The following EBF1 variants were observed in gnomAD, a reference collection of about 807,000 sequenced individuals.
EBF1 encodes the protein transcription factor COE1.
EBF1 carries 10 observed loss-of-function variants against 68.4 expected under a neutral mutation model. That is an observed-to-expected ratio of 0.15 (90% CI 0.09 to 0.25). EBF1 has a LOEUF of 0.25. EBF1 is among the 10% of genes least tolerant of loss of function. The pLI, the probability that EBF1 is intolerant of heterozygous loss-of-function variation, is 1.00. For synonymous variants in EBF1, 298 were observed against 299.8 expected (o/e 0.99, Z 0.06); for missense variants, 509 against 794.4 (o/e 0.64, Z 4.32).
intron 6 of EBF1, among the ~76,000 whole-genome samples, chr5:159,009,945 C>A (rs1764297762): frequency 6.6e-6 from 1 of 152,128 alleles, no homozygotes; most frequent in Non-Finnish European, 1.5e-5. Context: ...ACTCCCTTTG[C>A]AATTATGTAT....
intron 6 of EBF1, among the ~76,000 whole-genome samples, chr5:158,900,754 G>A (rs1803140887): frequency 6.6e-6 from 1 of 152,212 alleles, no homozygotes; most frequent in South Asian, 2.1e-4. Flanking sequence ...TACTTTACAA[G>A]CCTCAGTTAA....
At chr5:158,802,571 G>T (rs1780802448) in intron 8 of EBF1, among the ~76,000 whole-genome samples, 1 of 152,102 alleles carries the variant, frequency 6.6e-6, no homozygotes, top group South Asian at 2.1e-4. Flanking sequence ...GAAAATACTG[G>T]CACTAGCCTT....
intron 6 of EBF1, among the ~76,000 whole-genome samples, chr5:159,020,292 T>G (rs1467949958): frequency 6.6e-6 from 1 of 152,116 alleles, no homozygotes; most frequent in African/African-American, 2.4e-5. Flanking sequence ...TTTATTCCAG[T>G]GGAAAGGCAC....
At chr5:158,964,475 G>C (rs1017912230) in intron 6 of EBF1, among the ~76,000 whole-genome samples, 1 of 152,064 alleles carries the variant, frequency 6.6e-6, no homozygotes, top group South Asian at 2.1e-4. Flanking sequence ...GAGAGATAAT[G>C]GTGAATTCAA....
chr5:159,096,264 C>T (rs1782587104), intron 3 of EBF1, 79 bp downstream of exon 3: 2 of 1,427,028 alleles, frequency 1.4e-6, no homozygotes, highest in Non-Finnish European at 1.9e-6. Flanking sequence ...TGGAGGATTT[C>T]GTCCACCTGG....
chr5:159,021,318 G>GA (rs928685432), intron 6 of EBF1, among the ~76,000 whole-genome samples: 3 of 151,952 alleles, frequency 2.0e-5, no homozygotes, highest in South Asian at 2.1e-4. Context: ...CTCATAGGAG[G>GA]AAAAAAAATA....
At chr5:158,714,649 TTTTG>T (rs1760235238) in intron 11 of EBF1, among the ~76,000 whole-genome samples, 2 of 152,318 alleles carry the variant, frequency 1.3e-5, no homozygotes, top group Non-Finnish European at 1.5e-5. Context: ...ATTAAACTTC[TTTTG>T]TTTATCTCTC....
At chr5:158,980,116 G>A (rs1056734725) in intron 6 of EBF1, among the ~76,000 whole-genome samples, 2 of 152,158 alleles carry the variant, frequency 1.3e-5, no homozygotes, top group African/African-American at 4.8e-5. Flanking sequence ...ATAATAACAG[G>A]AGGAAGAAAA....
At chr5:159,004,323 T>A (rs1194987360) in intron 6 of EBF1, among the ~76,000 whole-genome samples, 1 of 150,414 alleles carries the variant, frequency 6.6e-6, no homozygotes, top group African/African-American at 2.4e-5. Flanking sequence ...AAATTTGAGG[T>A]CTCATTTCCT....
chr5:159,002,994 T>G (rs560960449), intron 6 of EBF1, among the ~76,000 whole-genome samples: 3 of 152,228 alleles, frequency 2.0e-5, no homozygotes, highest in East Asian at 1.9e-4. Flanking sequence ...GATCACTCTT[T>G]ACTCATGATG....
intron 6 of EBF1, among the ~76,000 whole-genome samples, chr5:159,012,347 C>T (rs1764838711): frequency 6.6e-6 from 1 of 151,936 alleles, no homozygotes; most frequent in Non-Finnish European, 1.5e-5. Flanking sequence ...ATTTGAAGAA[C>T]ATTTGGCTTC....
At chr5:158,854,680 T>C (rs1793628637) in intron 6 of EBF1, among the ~76,000 whole-genome samples, 4 of 152,354 alleles carry the variant, frequency 2.6e-5, no homozygotes, top group South Asian at 2.1e-4. Context: ...GCCTTCCTCC[T>C]TGCTTCTAAA....
At chr5:159,006,910 C>A (rs996747956) in intron 6 of EBF1, among the ~76,000 whole-genome samples, 6 of 152,264 alleles carry the variant, frequency 3.9e-5, no homozygotes, top group African/African-American at 1.2e-4. Flanking sequence ...TTGAAGAATT[C>A]TATTTTTAAA....
chr5:158,915,418 CAT>C (rs1342724362), intron 6 of EBF1, among the ~76,000 whole-genome samples: 2 of 152,168 alleles, frequency 1.3e-5, no homozygotes, highest in Non-Finnish European at 2.9e-5. Context: ...AATGCAAAAA[CAT>C]GTGGAAAGAA....
At chr5:159,014,193 T>C (rs554060185) in intron 6 of EBF1, among the ~76,000 whole-genome samples, 1 of 152,264 alleles carries the variant, frequency 6.6e-6, no homozygotes, top group South Asian at 2.1e-4. Context: ...CACCTCAGCC[T>C]GACAGAAAAA....
intron 6 of EBF1, among the ~76,000 whole-genome samples, chr5:158,853,892 G>C (rs1384417318): frequency 1.3e-5 from 2 of 152,146 alleles, no homozygotes; most frequent in African/African-American, 4.8e-5. Context: ...AGCCCAGGAA[G>C]GTCAATCAAT....
intron 6 of EBF1, among the ~76,000 whole-genome samples, chr5:158,921,681 T>G (rs1374041998): frequency 6.6e-6 from 1 of 152,302 alleles, no homozygotes; most frequent in East Asian, 1.9e-4. Flanking sequence ...AGCCGGAGCT[T>G]GTAGAGATGT....
intron 10 of EBF1, among the ~76,000 whole-genome samples, chr5:158,740,826 A>T (rs1766179059): frequency 6.6e-6 from 1 of 152,182 alleles, no homozygotes; most frequent in Non-Finnish European, 1.5e-5. Context: ...ATACTCTAGA[A>T]CACTTTTAAC....
chr5:158,939,700 C>T (rs750603104), intron 6 of EBF1, among the ~76,000 whole-genome samples: 7 of 145,568 alleles, frequency 4.8e-5, no homozygotes, highest in Non-Finnish European at 1.0e-4. Flanking sequence ...TTTTTAAGCA[C>T]TCAATCAGCG....
Sources: allele counts gnomAD v4.1 joint callset (sites outside exome capture counted in the v4.1 genomes callset), GRCh38; gene constraint gnomAD v4.1.1; transcripts MANE v1.5; gene names NCBI Gene and HGNC (gene_info 2026-07-23, HGNC 2026-07-21).